PPP6R2: variants seen among roughly 807,000 people sequenced by gnomAD.
The protein encoded by PPP6R2 is protein phosphatase 6 regulatory subunit 2.
Under a neutral mutation model 100.2 loss-of-function variants are expected in PPP6R2, and 62 were observed. The observed-to-expected ratio is 0.62, with a 90% confidence interval of 0.50 to 0.76. The LOEUF (loss-of-function observed/expected upper bound fraction) is 0.76, where lower values mean the gene tolerates loss of function less well. PPP6R2 is among the 30% of genes least tolerant of loss of function. PPP6R2 has a pLI of 0.00. For missense variants in PPP6R2, 1,142 were observed against 1,276.3 expected, an observed-to-expected ratio of 0.89 and a Z score of 1.60; for synonymous variants, 525 against 514.7, an observed-to-expected ratio of 1.02 and a Z score of -0.27.
Position 50,419,476 on chromosome 22 carries a change from G to A in PPP6R2, c.845+14G>A, listed in dbSNP as rs2061005882. ...CAGGCGGGTTGGGTGAGTCTCACGA[G>A]GAGAAATCGTGTAGAGCTGAACTTG... On this transcript the variant is annotated intron_variant, in intron 8 of 23. Transcript: ENST00000612753. 2 of 1,590,586 alleles carry A rather than the reference G, an allele frequency of 1.3e-6. No homozygotes were observed. The highest frequency in any genetic ancestry group is 1.7e-6 in the Non-Finnish European group (2 of 1,159,190).
At position 50,372,728 on chromosome 22, in the gene PPP6R2, G is replaced by A. The variant is rs374674841; in HGVS notation, c.-17+578G>A. 9.3e-5 allele frequency among the ~76,000 whole-genome samples: 14 copies of A among 150,896 alleles called. No individual in the cohort carries two copies. The East Asian group carries it at 1.2e-3, about 13-fold the overall frequency. On this transcript the variant is annotated intron_variant, in intron 2 of 23. Coordinates refer to ENST00000612753, the MANE Select transcript of PPP6R2 (RefSeq NM_001242898.2). ...TTTTGAGACGGAGTCTTGCTCTGTT[G>A]CCCAGGCTGGAGTGCAGTGGTGTGA...
chr22:50,373,575 A>G (rs2050782413), intron 2 of PPP6R2, among the ~76,000 whole-genome samples: 1 of 150,844 alleles, frequency 6.6e-6, no homozygotes, highest in Non-Finnish European at 1.5e-5. Context: ...TTTTCAAGAC[A>G]AGGTCTCACT....
intron 1 of PPP6R2, among the ~76,000 whole-genome samples, chr22:50,360,883 G>A (rs1288609243): frequency 6.6e-6 from 1 of 152,172 alleles, no homozygotes; most frequent in Non-Finnish European, 1.5e-5. Flanking sequence ...CAGGTTCCTT[G>A]GGGCATGACT....
In PPP6R2 at chr22:50,436,995, C is replaced by G. The variant is rs756835860; in HGVS notation, c.1610C>G (p.Thr537Ser). ...NRRNTVDLVS[T>S]HHLHSSSEDE... ...ATCTGGCCTGTGTTTTAGGTGAGCA[C>G]TCACCACCTTCACTCCTCAAGTGAG... The change falls in exon 15 of 24, where the codon ACT becomes AGT. Residue 537 changes from threonine (T) to serine (S), a missense_variant. Physicochemically the swap from Thr to Ser is moderately conservative, Grantham distance 58. Around this residue, in one of 2 missense-constraint regions of PPP6R2, gnomAD observed 592 missense variants for 758.9 expected, o/e 0.78. Coordinates refer to ENST00000612753, the MANE Select transcript of PPP6R2 (RefSeq NM_001242898.2). 5 of 1,556,590 alleles carry G rather than the reference C, an allele frequency of 3.2e-6. No individual in the cohort carries two copies. The highest frequency in any genetic ancestry group is 4.3e-6 in the Non-Finnish European group (5 of 1,150,170).
chr22:50,371,792 A>T (rs538054761), intron 1 of PPP6R2, among the ~76,000 whole-genome samples: 1 of 152,128 alleles, frequency 6.6e-6, no homozygotes, highest in South Asian at 2.1e-4. Flanking sequence ...ATGCGCCACC[A>T]CACCCGGCTA....
At chr22:50,399,435 G>A (rs909912541) in intron 3 of PPP6R2, among the ~76,000 whole-genome samples, 12 of 152,210 alleles carry the variant, frequency 7.9e-5, no homozygotes, top group African/African-American at 1.9e-4. Flanking sequence ...CCTGTGCTTC[G>A]CGACTCTGCT....
At chr22:50,363,170 G>A (rs1275219970) in intron 1 of PPP6R2, among the ~76,000 whole-genome samples, 1 of 152,226 alleles carries the variant, frequency 6.6e-6, no homozygotes, top group African/African-American at 2.4e-5. Flanking sequence ...TTGCACGGCT[G>A]TGATTGCTGG....
At chr22:50,436,189 C>T (rs1434958282) in intron 13 of PPP6R2, among the ~76,000 whole-genome samples, 178 bp from the exon 14 acceptor site, 4 of 152,242 alleles carry the variant, frequency 2.6e-5, no homozygotes, top group Non-Finnish European at 5.9e-5. Context: ...TCCGGACACG[C>T]GGCTATGCTG....
chr22:50,359,103 G>A (rs1170051991), intron 1 of PPP6R2, among the ~76,000 whole-genome samples: 1 of 149,286 alleles, frequency 6.7e-6, no homozygotes, highest in Non-Finnish European at 1.5e-5. Context: ...GGGTTTGAGT[G>A]ATTTTCCTGC....
chr22:50,433,047 G>A (rs1365446965), intron 12 of PPP6R2, among the ~76,000 whole-genome samples: 2 of 152,276 alleles, frequency 1.3e-5, no homozygotes, highest in Non-Finnish European at 2.9e-5. Flanking sequence ...TCTGTAAAAT[G>A]GAGTGAGAGC....
At position 50,436,415 on chromosome 22, in the gene PPP6R2, C is replaced by G; in HGVS notation, c.1565C>G (p.Thr522Arg). 6.3e-7 allele frequency: 1 copy of G among 1,592,900 alleles called. No homozygotes were observed. Among genetic ancestry groups the G allele is most frequent in the Non-Finnish European group, 8.5e-7 (1 of 1,171,212 alleles). The change falls in exon 14 of 24, where the codon ACG (threonine) becomes AGG (arginine). Residue 522 changes from threonine (T) to arginine (R), a missense_variant. Physicochemically the swap from Thr to Arg is moderately conservative, Grantham distance 71. Coordinates refer to ENST00000612753, the MANE Select transcript of PPP6R2 (RefSeq NM_001242898.2). ...CGCTGGGAGAGCTTCGTGGAGGAGA[C>G]GCTGACGGAGACGAACCGCAGGAAC... ...RGRWESFVEE[T>R]LTETNRRNTV...
Position 50,414,538 on chromosome 22 carries a change from G to A in PPP6R2, c.415-14G>A, listed in dbSNP as rs1712402665. ...GGTCGGCCCCGCCTGCCTCTCAGGT[G>A]TGTGTGATTTCAGGTGATTACGTTT... is the stretch of plus-strand genomic sequence containing the variant. On this transcript the variant is annotated splice_polypyrimidine_tract_variant and intron_variant, in intron 4 of 23. Coordinates refer to ENST00000612753, the MANE Select transcript of PPP6R2 (RefSeq NM_001242898.2). 3 of 1,613,770 alleles carry A rather than the reference G, an allele frequency of 1.9e-6. No individual in the cohort carries two copies. The highest frequency in any genetic ancestry group is 2.2e-5 in the East Asian group (1 of 44,860).
intron 10 of PPP6R2, among the ~76,000 whole-genome samples, chr22:50,428,014 C>T (rs1569478441): frequency 6.6e-6 from 1 of 151,296 alleles, no homozygotes; most frequent in Admixed American, 6.6e-5. Context: ...GCCACCACGC[C>T]CAGCCAATTT....
At chr22:50,443,407 G>C in intron 22 of PPP6R2, 1 of 159,770 alleles carries the variant, frequency 6.3e-6, no homozygotes, top group Admixed American at 6.1e-5. Context: ...AAGCCAGGGG[G>C]CCCGTCTGCT....
rs143932575 is a variant in PPP6R2, at chr22:50,439,801, C to T, written c.2229C>T (p.Thr743=). The T allele has an allele frequency of 1.9e-5, 30 of 1,613,786 alleles. No individual in the cohort carries two copies. In the African/African-American group the frequency reaches 3.7e-4, roughly 20 times the overall value. The change falls in exon 20 of 24, where the codon ACC becomes ACT. Residue 743 remains threonine (T), a synonymous_variant. Coordinates refer to ENST00000612753, the MANE Select transcript of PPP6R2 (RefSeq NM_001242898.2). ...GTTCCAGTGTGTGGGCAGCTGGCAC[C>T]TCAGCTCCAGAGGAGAAAGGCTGGG... ...DVGSSVWAAG[T]SAPEEKGWAK...
At chr22:50,382,411 A>C (rs993870414) in intron 2 of PPP6R2, among the ~76,000 whole-genome samples, 1 of 152,000 alleles carries the variant, frequency 6.6e-6, no homozygotes, top group African/African-American at 2.4e-5. Context: ...AGCCTGACTA[A>C]CATGGTGAAA....
At chr22:50,396,405 G>T (rs1367198729) in intron 3 of PPP6R2, among the ~76,000 whole-genome samples, 1 of 150,234 alleles carries the variant, frequency 6.7e-6, no homozygotes, top group Non-Finnish European at 1.5e-5. Context: ...TGAGGCAGGA[G>T]AATTGCTTGA....
intron 2 of PPP6R2, among the ~76,000 whole-genome samples, chr22:50,380,369 GT>G (rs775217006): frequency 1.0e-4 from 15 of 143,590 alleles, no homozygotes; most frequent in East Asian, 4.1e-4. Flanking sequence ...CACGCCTGAT[GT>G]TTTTTTTTTT....
intron 3 of PPP6R2, among the ~76,000 whole-genome samples, chr22:50,402,683 A>T (rs2058248354): frequency 6.6e-6 from 1 of 152,100 alleles, no homozygotes; most frequent in Non-Finnish European, 1.5e-5. Context: ...GTGTTATTTG[A>T]GATGGAGTTT....
Sources: allele counts gnomAD v4.1 joint callset (sites outside exome capture counted in the v4.1 genomes callset), GRCh38; gene constraint gnomAD v4.1.1; regional missense constraint gnomAD v4.1.1; transcripts MANE v1.5; gene names NCBI Gene and HGNC (gene_info 2026-07-23, HGNC 2026-07-21).